Variants in FAF1 observed in about 807,000 individuals in gnomAD.
FAF1 encodes FAS-associated factor 1.
A neutral mutation model predicts 92.5 loss-of-function variants in FAF1; 25 were observed. The observed-to-expected ratio is 0.27, with a 90% CI of 0.20 to 0.38. The LOEUF (loss-of-function observed/expected upper bound fraction) is 0.38. FAF1 is among the 10% of genes least tolerant of loss of function. The probability of loss-of-function intolerance (pLI) is 1.00; values close to 1 mark genes in which losing one functional copy is unlikely to be tolerated. For missense variants in FAF1, 636 were observed against 793.3 expected (o/e 0.80, Z 2.38); for synonymous variants, 234 against 273.2 (o/e 0.86, Z 1.42).
In FAF1 at chr1:50,811,303, C is replaced by A. The variant is rs1285747995; in HGVS notation, c.115-9626G>T. On this transcript the variant is annotated intron_variant, in intron 2 of 18. Coordinates refer to ENST00000396153, the MANE Select transcript of FAF1 (RefSeq NM_007051.3). ...GCAGTGAGCCAAGATCGAATTACTGCACTCCAGCTTGAGTAACAGAGGGGT... is the reference window on the plus strand; with the variant it reads ...GCAGTGAGCCAAGATCGAATTACTGAACTCCAGCTTGAGTAACAGAGGGGT... Among the ~76,000 whole-genome samples, 3 of 152,162 alleles carry A rather than the reference C, an allele frequency of 2.0e-5. No homozygotes were observed. The East Asian group carries it at 5.8e-4, about 29-fold the overall frequency.
intron 8 of FAF1, among the ~76,000 whole-genome samples, chr1:50,614,119 A>C (rs1652799690): frequency 6.6e-6 from 1 of 152,002 alleles, no homozygotes; most frequent in Non-Finnish European, 1.5e-5. Flanking sequence ...AAAAACACAC[A>C]CAAAAAAACC....
intron 2 of FAF1, among the ~76,000 whole-genome samples, chr1:50,835,484 T>A (rs1262956382): frequency 6.8e-6 from 1 of 147,588 alleles, no homozygotes; most frequent in Non-Finnish European, 1.5e-5. Context: ...GGCAGGAGAA[T>A]CGCTTGAACC....
In FAF1 at chr1:50,584,665, A is replaced by C; in HGVS notation, c.967+20T>G. The C allele has an allele frequency of 1.2e-6, 2 of 1,609,248 alleles. No individual in the cohort carries two copies. The highest frequency in any genetic ancestry group is 2.7e-5 in the African/African-American group (2 of 74,802). ...AAGAAAGAATTCTATTGCTGGACCC[A>C]AAGAGCTATTAATACTCACTCATTG... On this transcript the variant is annotated intron_variant, in intron 10 of 18. Coordinates refer to ENST00000396153, the MANE Select transcript of FAF1 (RefSeq NM_007051.3).
intron 8 of FAF1, among the ~76,000 whole-genome samples, chr1:50,630,155 TA>T (rs1653704653): frequency 6.6e-6 from 1 of 152,200 alleles, no homozygotes; most frequent in African/African-American, 2.4e-5. Context: ...TATTTATTAA[TA>T]AAGCAAAGAT....
At chr1:50,605,565 C>CTT (rs890904577) in intron 8 of FAF1, among the ~76,000 whole-genome samples, 1 of 145,998 alleles carries the variant, frequency 6.8e-6, no homozygotes. Context: ...TCAAAGTCAA[C>CTT]TTTTTTTTTT....
At chr1:50,769,677 G>C (rs1442955948) in intron 4 of FAF1, among the ~76,000 whole-genome samples, 2 of 152,140 alleles carry the variant, frequency 1.3e-5, no homozygotes, top group Non-Finnish European at 2.9e-5. Flanking sequence ...CACATAAACA[G>C]AACTATAAGC....
At chr1:50,662,901 C>T (rs912494751) in intron 7 of FAF1, among the ~76,000 whole-genome samples, 1 of 151,154 alleles carries the variant, frequency 6.6e-6, no homozygotes, top group Non-Finnish European at 1.5e-5. Flanking sequence ...GGGGTTTCAC[C>T]ATTCACAGGA....
intron 1 of FAF1, among the ~76,000 whole-genome samples, chr1:50,948,834 T>C (rs1645192292): frequency 1.3e-5 from 2 of 152,144 alleles, no homozygotes; most frequent in Admixed American, 1.3e-4. Flanking sequence ...CCCTAGACTC[T>C]TAAACAATCA....
At chr1:50,695,034 A>T (rs1569783555) in intron 7 of FAF1, among the ~76,000 whole-genome samples, 1 of 152,314 alleles carries the variant, frequency 6.6e-6, no homozygotes, top group Middle Eastern at 3.4e-3. Context: ...AGGCTAAGAA[A>T]GTCAATGTGT....
chr1:50,456,818 A>G (rs924185252), intron 18 of FAF1, among the ~76,000 whole-genome samples: 1 of 152,220 alleles, frequency 6.6e-6, no homozygotes, highest in Non-Finnish European at 1.5e-5. Context: ...AAAGGGTACC[A>G]GGAAACTACA....
At chr1:50,687,130 G>GA (rs1260515290) in intron 7 of FAF1, among the ~76,000 whole-genome samples, 7 of 152,070 alleles carry the variant, frequency 4.6e-5, no homozygotes, top group Admixed American at 6.6e-5. Flanking sequence ...TGCCCGACCT[G>GA]AAACTTGGCA....
At chr1:50,502,694 T>C (rs1418728529) in intron 15 of FAF1, among the ~76,000 whole-genome samples, 1 of 152,206 alleles carries the variant, frequency 6.6e-6, no homozygotes, top group Admixed American at 6.5e-5. Context: ...TTGGGGTCTG[T>C]TGGAATACTG....
chr1:50,652,822 C>A (rs1298327233), intron 8 of FAF1, among the ~76,000 whole-genome samples: 2 of 152,156 alleles, frequency 1.3e-5, no homozygotes, highest in Non-Finnish European at 2.9e-5. Context: ...TCTGTAATTA[C>A]AATAACTTTT....
Position 50,523,706 on chromosome 1 carries a change from C to T in FAF1, c.1494+11663G>A, listed in dbSNP as rs370425675. Among the ~76,000 whole-genome samples the T allele has an allele frequency of 1.9e-4, 29 of 152,090 alleles. No individual in the cohort carries two copies. In the South Asian group the frequency reaches 4.8e-3, roughly 25 times the overall value. On this transcript the variant is annotated intron_variant, in intron 15 of 18. Transcript: ENST00000396153. Reference sequence around the variant, plus strand: ...TATATGATTTGCAAATATTTTCTTCCATTCTGTGGGTTATCTCATTCTTTT... The same window carrying T: ...TATATGATTTGCAAATATTTTCTTCTATTCTGTGGGTTATCTCATTCTTTT...
chr1:50,842,046 C>T (rs954196986), intron 2 of FAF1, among the ~76,000 whole-genome samples: 1 of 152,056 alleles, frequency 6.6e-6, no homozygotes, highest in Non-Finnish European at 1.5e-5. Context: ...CCTCATTATA[C>T]TTTCTAACTT....
intron 17 of FAF1, among the ~76,000 whole-genome samples, chr1:50,481,482 T>G (rs1431906738): frequency 6.6e-6 from 1 of 152,220 alleles, no homozygotes; most frequent in Non-Finnish European, 1.5e-5. Flanking sequence ...TACAGTAACA[T>G]GCTGTACAGA....
At chr1:50,811,658 C>T (rs1201925895) in intron 2 of FAF1, among the ~76,000 whole-genome samples, 2 of 152,180 alleles carry the variant, frequency 1.3e-5, no homozygotes, top group African/African-American at 4.8e-5. Flanking sequence ...AGATTCAGTG[C>T]TATTCGTATC....
chr1:50,489,918 CAA>C (rs1377325697), intron 17 of FAF1, among the ~76,000 whole-genome samples: 2 of 151,712 alleles, frequency 1.3e-5, no homozygotes, highest in Non-Finnish European at 2.9e-5. Context: ...GCACAAAAGG[CAA>C]AGATTATAGA....
chr1:50,931,892 AATAAT>A (rs1213512255), intron 1 of FAF1, among the ~76,000 whole-genome samples: 267 of 113,548 alleles, frequency 2.4e-3, no homozygotes, highest in South Asian at 4.8e-3. Context: ...ATAAATAAAT[AATAAT>A]AATAATAATA....
Sources: allele counts gnomAD v4.1 joint callset (sites outside exome capture counted in the v4.1 genomes callset), GRCh38; gene constraint gnomAD v4.1.1; transcripts MANE v1.5; gene names NCBI Gene and HGNC (gene_info 2026-07-23, HGNC 2026-07-21).